The following SNTG1 variants were observed in gnomAD, a reference collection of about 807,000 sequenced individuals.
SNTG1 encodes the protein gamma-1-syntrophin.
In SNTG1, 39 loss-of-function variants were observed where a neutral mutation model predicts 74.7. The observed-to-expected ratio is 0.52, with a 90% CI of 0.40 to 0.68. SNTG1 has a LOEUF of 0.68. Ranked by LOEUF, SNTG1 falls within the 30% of genes least tolerant of loss-of-function variation. The pLI, the probability that SNTG1 is intolerant of heterozygous loss-of-function variation, is 0.00. For synonymous variants in SNTG1, 254 were observed against 217.1 expected (o/e 1.17, Z -1.49); for missense variants, 685 against 609.5 (o/e 1.12, Z -1.30).
chr8:50,486,777 G>C (rs2093798834), intron 8 of SNTG1, among the ~76,000 whole-genome samples: 1 of 151,424 alleles, frequency 6.6e-6, no homozygotes, highest in Non-Finnish European at 1.5e-5. Context: ...GTATGATATT[G>C]GCTGTGGGTT....
At chr8:50,579,188 G>A (rs1321134139) in intron 12 of SNTG1, among the ~76,000 whole-genome samples, 1 of 152,178 alleles carries the variant, frequency 6.6e-6, no homozygotes, top group African/African-American at 2.4e-5. Context: ...AACTTGTTGG[G>A]AACTGGAGTA....
chr8:50,003,995 C>T (rs569850128), intron 1 of SNTG1, among the ~76,000 whole-genome samples: 31 of 152,214 alleles, frequency 2.0e-4, no homozygotes, highest in Admixed American at 7.9e-4. Context: ...GCTTTTACTC[C>T]TGTTTTGATC....
At chr8:49,959,787 T>C (rs172758) in intron 1 of SNTG1, among the ~76,000 whole-genome samples, 133,231 of 152,218 alleles carry the variant, frequency 0.88, 58,479 homozygotes, top group East Asian at 1. Context: ...TAGAGAAGTA[T>C]GCTATAATTT....
At chr8:50,578,404 AG>A (rs2094588818) in intron 12 of SNTG1, among the ~76,000 whole-genome samples, 1 of 99,422 alleles carries the variant, frequency 1.0e-5, no homozygotes, top group African/African-American at 4.2e-5. Context: ...TAGGTGAAAA[AG>A]TGAGAGGATG....
chr8:50,473,971 T>A (rs2093674450), intron 8 of SNTG1, among the ~76,000 whole-genome samples: 1 of 152,066 alleles, frequency 6.6e-6, no homozygotes. Flanking sequence ...TTTAAGTTTT[T>A]TTTTTTCTTT....
intron 2 of SNTG1, among the ~76,000 whole-genome samples, chr8:50,179,780 G>A (rs2083134091): frequency 6.6e-6 from 1 of 152,136 alleles, no homozygotes; most frequent in South Asian, 2.1e-4. Flanking sequence ...CAAGAGATAA[G>A]AGGTGTCAGC....
At chr8:50,616,545 C>T (rs907669596) in intron 13 of SNTG1, among the ~76,000 whole-genome samples, 3 of 152,178 alleles carry the variant, frequency 2.0e-5, no homozygotes, top group Admixed American at 6.5e-5. Flanking sequence ...ACAGGAAGCA[C>T]GAGCAGGCAG....
intron 4 of SNTG1, among the ~76,000 whole-genome samples, chr8:50,419,051 AAGAC>A (rs1264026625): frequency 6.6e-6 from 1 of 152,146 alleles, no homozygotes; most frequent in African/African-American, 2.4e-5. Context: ...AACAGGGAGA[AAGAC>A]AGGTTGGCTT....
intron 1 of SNTG1, among the ~76,000 whole-genome samples, chr8:49,994,818 C>T (rs1230176496): frequency 4.6e-5 from 7 of 151,848 alleles, no homozygotes; most frequent in Admixed American, 4.6e-4. Context: ...TAAAGGGTAC[C>T]TCAAAGGTAG....
At chr8:50,348,216 G>C (rs897921736) in intron 2 of SNTG1, among the ~76,000 whole-genome samples, 1 of 152,166 alleles carries the variant, frequency 6.6e-6, no homozygotes, top group Non-Finnish European at 1.5e-5. Flanking sequence ...AGAACCCAGA[G>C]ACATCTCCAT....
At chr8:50,245,805 C>A (rs1488016945) in intron 2 of SNTG1, among the ~76,000 whole-genome samples, 1 of 152,122 alleles carries the variant, frequency 6.6e-6, no homozygotes, top group East Asian at 1.9e-4. Flanking sequence ...TCTTATATGT[C>A]AGTCGTAACA....
At chr8:49,951,025 A>G (rs1051365391) in intron 1 of SNTG1, among the ~76,000 whole-genome samples, 2 of 152,218 alleles carry the variant, frequency 1.3e-5, no homozygotes, top group African/African-American at 4.8e-5. Context: ...GTTATTCATA[A>G]AACCCTTACA....
chr8:50,154,883 G>A (rs1326032127), intron 1 of SNTG1, among the ~76,000 whole-genome samples: 1 of 152,160 alleles, frequency 6.6e-6, no homozygotes, highest in African/African-American at 2.4e-5. Flanking sequence ...GGTAAAGTCT[G>A]AATATAAAGC....
At position 50,083,183 on chromosome 8, in the gene SNTG1, A is replaced by G. The variant is rs375883360; in HGVS notation, c.-102-89378A>G. On this transcript the variant is annotated intron_variant, in intron 1 of 18. Coordinates refer to ENST00000642720, the MANE Select transcript of SNTG1 (RefSeq NM_018967.5). The stretch of plus-strand genomic sequence containing the variant: ...TCTTAGCTGAAATTCAGTAGTCTCA[A>G]TAAATTAATGTTTCTTAGTTGGTTT... Among the ~76,000 whole-genome samples, 39 of 152,316 alleles carry G rather than the reference A, an allele frequency of 2.6e-4. No homozygotes were observed. In the East Asian group the frequency reaches 5.6e-3, roughly 22 times the overall value.
At chr8:50,083,685 T>A (rs1822614268) in intron 1 of SNTG1, among the ~76,000 whole-genome samples, 1 of 152,210 alleles carries the variant, frequency 6.6e-6, no homozygotes, top group South Asian at 2.1e-4. Flanking sequence ...TTCATTTTTT[T>A]GGAATGTTAA....
Position 50,314,983 on chromosome 8 carries a change from A to G in SNTG1, c.-27-79229A>G, listed in dbSNP as rs115508033. Among the ~76,000 whole-genome samples, 965 of 149,784 alleles carry G rather than the reference A, an allele frequency of 6.4e-3. 79 individuals carry two copies. Among genetic ancestry groups the G allele is most frequent in the African/African-American group, 0.023 (909 of 40,214 alleles). On this transcript the variant is annotated intron_variant, in intron 2 of 18. Coordinates refer to ENST00000642720, the MANE Select transcript of SNTG1 (RefSeq NM_018967.5). ...TACTGGTTCTAACTATAGTGTTTTG[A>G]TAGATTGACAGCATTAAACTCATTG...
At chr8:50,129,270 C>T (rs138347400) in intron 1 of SNTG1, among the ~76,000 whole-genome samples, 9 of 152,146 alleles carry the variant, frequency 5.9e-5, no homozygotes, top group Non-Finnish European at 8.8e-5. Context: ...TTCAGAGCAT[C>T]GCATATGGCA....
At chr8:50,118,255 G>C (rs2080889430) in intron 1 of SNTG1, among the ~76,000 whole-genome samples, 1 of 152,026 alleles carries the variant, frequency 6.6e-6, no homozygotes, top group Non-Finnish European at 1.5e-5. Flanking sequence ...TTCATGACTG[G>C]AGAAGACACT....
chr8:50,785,885 C>T (rs1563838331), intron 18 of SNTG1, among the ~76,000 whole-genome samples: 1 of 151,770 alleles, frequency 6.6e-6, no homozygotes, highest in African/African-American at 2.4e-5. Flanking sequence ...GAGCAATACA[C>T]CGTATTAATT....
Sources: gnomAD v4.1 joint callset for allele counts (sites outside exome capture counted in the v4.1 genomes callset) on GRCh38, gnomAD v4.1.1 for gene constraint, MANE v1.5 for transcripts, NCBI Gene and HGNC (gene_info 2026-07-23, HGNC 2026-07-21) for gene names.